The following PREX1 variants were observed in gnomAD, a reference collection of about 807,000 sequenced individuals.
PREX1 encodes the protein phosphatidylinositol-3,4,5-trisphosphate dependent Rac exchange factor 1.
PREX1 carries 41 observed loss-of-function variants against 198.3 expected under a neutral mutation model. The observed-to-expected ratio is 0.21, with a 90% CI of 0.16 to 0.27. The LOEUF (loss-of-function observed/expected upper bound fraction) is 0.27. Ranked by LOEUF, PREX1 falls within the 10% of genes least tolerant of loss-of-function variation. PREX1 has a pLI of 1.00. For missense variants in PREX1, 1,620 were observed against 2,200.7 expected, an observed-to-expected ratio of 0.74 and a Z score of 5.28; for synonymous variants, 843 against 887.2, an observed-to-expected ratio of 0.95 and a Z score of 0.89.
intron 1 of PREX1, among the ~76,000 whole-genome samples, chr20:48,799,747 G>C (rs372441205): frequency 2.0e-5 from 3 of 152,322 alleles, no homozygotes; most frequent in South Asian, 2.1e-4. Context: ...CCACAACAGG[G>C]CAGAGGGGCC....
At chr20:48,741,947 T>A (rs34316626) in intron 3 of PREX1, among the ~76,000 whole-genome samples, 1 of 152,016 alleles carries the variant, frequency 6.6e-6, no homozygotes, top group Non-Finnish European at 1.5e-5. Flanking sequence ...TGGCGGGCTG[T>A]GGGGATTTTA....
chr20:48,679,814 C>A (rs2089736778), intron 11 of PREX1, 60 bp from the exon 12 acceptor site: 2 of 1,370,408 alleles, frequency 1.5e-6, no homozygotes. Flanking sequence ...CCCAGCCACG[C>A]CCCCCAGCAT....
chr20:48,848,616 T>G, the PREX1 span, among the ~76,000 whole-genome samples: 1 of 152,134 alleles, frequency 6.6e-6, no homozygotes, highest in Non-Finnish European at 1.5e-5. Flanking sequence ...AAGGCTAAAA[T>G]ACCTTTGGAT....
chr20:48,744,892 C>T (rs2090100646), intron 3 of PREX1, 133 bp downstream of exon 3: 1 of 1,214,920 alleles, frequency 8.2e-7, no homozygotes, highest in Non-Finnish European at 1.1e-6. Flanking sequence ...CTGGGCCCAC[C>T]TGCCCACCTT....
chr20:48,785,465 G>A (rs1266054187), intron 1 of PREX1, among the ~76,000 whole-genome samples: 1 of 152,244 alleles, frequency 6.6e-6, no homozygotes, highest in African/African-American at 2.4e-5. Context: ...TCAAGAAACT[G>A]GCTTTGGGTG....
chr20:48,684,902 GGAAT>G lies in PREX1; in HGVS notation c.1335-3571_1335-3568del, dbSNP rs2089775335. Among the ~76,000 whole-genome samples the G allele has an allele frequency of 6.6e-6, 1 of 152,202 alleles. No homozygotes were observed. The highest frequency in any genetic ancestry group is 1.5e-5 in the Non-Finnish European group (1 of 68,034). ...TTCGCGCCTACTGCTTCCTAAGCCA[GGAAT>G]GCTGTTCCCCACACCCTCTCATGGC... On this transcript the variant is annotated intron_variant, in intron 10 of 39. Coordinates refer to ENST00000371941, the MANE Select transcript of PREX1 (RefSeq NM_020820.4). This position sits in a 1 kb window ranked among gnomAD's most constrained non-coding sequence, Gnocchi z 4.2.
chr20:48,658,501 C>T (rs2089563102), intron 16 of PREX1, among the ~76,000 whole-genome samples: 2 of 152,198 alleles, frequency 1.3e-5, no homozygotes, highest in Admixed American at 1.3e-4. Flanking sequence ...GGTCCCACCC[C>T]AGGGCAGGAT....
chr20:48,630,488 T>G (rs2089305037), intron 36 of PREX1, among the ~76,000 whole-genome samples: 1 of 152,222 alleles, frequency 6.6e-6, no homozygotes, highest in Non-Finnish European at 1.5e-5. Context: ...CTGTGGTTAA[T>G]AAGGCGGATT....
chr20:48,704,475 G>C (rs1391484721), intron 6 of PREX1, among the ~76,000 whole-genome samples: 1 of 152,126 alleles, frequency 6.6e-6, no homozygotes, highest in African/African-American at 2.4e-5. Context: ...TCTTAAACCA[G>C]GGCTGCCAGA....
chr20:48,628,027 G>A (rs1007032055), intron 37 of PREX1, 64 bp from the exon 38 acceptor site: 15 of 996,482 alleles, frequency 1.5e-5, no homozygotes, highest in Admixed American at 6.1e-5. Flanking sequence ...GGAGGACAGC[G>A]GGAGTCAGAG....
intron 1 of PREX1, among the ~76,000 whole-genome samples, chr20:48,774,928 C>T (rs1175596478): frequency 6.6e-6 from 1 of 152,216 alleles, no homozygotes; most frequent in Non-Finnish European, 1.5e-5. Context: ...CTGAATTCAG[C>T]GTTAAATGGC....
chr20:48,791,232 C>T (rs550754202), intron 1 of PREX1, among the ~76,000 whole-genome samples: 23 of 152,316 alleles, frequency 1.5e-4, no homozygotes, highest in South Asian at 1.0e-3. Flanking sequence ...TCGTTACCTT[C>T]GCGCTGCTGC....
At chr20:48,658,258 C>A in intron 16 of PREX1, 30 bp from the exon 17 acceptor site, 2 of 1,610,146 alleles carry the variant, frequency 1.2e-6, no homozygotes, top group South Asian at 1.1e-5. Context: ...GGAACCCGGT[C>A]AGGGAGCGAG....
intron 1 of PREX1, among the ~76,000 whole-genome samples, chr20:48,764,410 G>A (rs927462756): frequency 1.3e-5 from 2 of 152,182 alleles, no homozygotes; most frequent in African/African-American, 4.8e-5. Context: ...CTGCAGATGT[G>A]ATTAAGGTAA....
chr20:48,882,121 T>C, the PREX1 span, among the ~76,000 whole-genome samples: 2 of 152,216 alleles, frequency 1.3e-5, no homozygotes, highest in Non-Finnish European at 2.9e-5. Context: ...TATTCCATTA[T>C]TTTGATATAC....
chr20:48,669,099 A>G (rs6012506), intron 14 of PREX1, among the ~76,000 whole-genome samples: 81,414 of 151,430 alleles, frequency 0.54, 23,285 homozygotes, highest in African/African-American at 0.75. Flanking sequence ...GGAAGCCGCC[A>G]CACACGAGAC....
chr20:48,708,133 T>G, intron 6 of PREX1, 127 bp downstream of exon 6: 1 of 1,022,514 alleles, frequency 9.8e-7, no homozygotes, highest in Non-Finnish European at 1.4e-6. Flanking sequence ...AGCAATCTTT[T>G]GCAAACACTG....
At position 48,778,871 on chromosome 20, in the gene PREX1, A is replaced by C. The variant is rs146449400; in HGVS notation, c.220-30991T>G. 1.9e-4 allele frequency among the ~76,000 whole-genome samples: 29 copies of C among 152,352 alleles called. No homozygotes were observed. In the East Asian group the frequency reaches 5.4e-3, roughly 28 times the overall value. The stretch of plus-strand genomic sequence containing the variant: ...CACACTTCATACAAAAGTAAACTCA[A>C]AATGGATCACAGATCTAAATTCAAA... On this transcript the variant is annotated intron_variant, in intron 1 of 39. Transcript: ENST00000371941.
intron 2 of PREX1, among the ~76,000 whole-genome samples, chr20:48,746,997 CACACACACACA>C (rs2090111452): frequency 7.3e-5 from 8 of 109,878 alleles, no homozygotes; most frequent in Non-Finnish European, 1.0e-4. Flanking sequence ...CACACACACA[CACACACACACA>C]CACCCCACCC....
Sources: allele counts gnomAD v4.1 joint callset (sites outside exome capture counted in the v4.1 genomes callset), GRCh38; gene constraint gnomAD v4.1.1; non-coding constraint Gnocchi (gnomAD v3.1); transcripts MANE v1.5; gene names NCBI Gene and HGNC (gene_info 2026-07-23, HGNC 2026-07-21).